The following CDH4 variants were observed in gnomAD, a reference collection of about 807,000 sequenced individuals.
CDH4 encodes cadherin-4.
A neutral mutation model predicts 86.0 loss-of-function variants in CDH4; 33 were observed. That is an observed-to-expected ratio of 0.38 (90% CI 0.29 to 0.51). The LOEUF is 0.51. Among genes scored for constraint, CDH4 ranks in the 20% least tolerant of loss-of-function variants. CDH4 has a pLI of 0.86. For missense variants in CDH4, 1,114 were observed against 1,307.4 expected, an observed-to-expected ratio of 0.85 and a Z score of 2.28; for synonymous variants, 555 against 549.4, an observed-to-expected ratio of 1.01 and a Z score of -0.14.
In CDH4 at chr20:61,480,968, C is replaced by G. The variant is rs2085565079; in HGVS notation, c.169+226031C>G. Among the ~76,000 whole-genome samples, 1 of 152,124 alleles carries G rather than the reference C, an allele frequency of 6.6e-6. No homozygotes were observed. The highest frequency in any genetic ancestry group is 2.1e-4 in the South Asian group (1 of 4,820). ...AAGTGTGTCCACGTTGATGATTCTG[C>G]TTGGTAGTCAGATGACATCCATGAG... On this transcript the variant is annotated intron_variant, in intron 2 of 15. Transcript: ENST00000614565. The surrounding 1 kb of genome is among the most constrained non-coding windows in gnomAD (Gnocchi z 5.2).
At chr20:61,535,619 C>G (rs59587853) in intron 2 of CDH4, among the ~76,000 whole-genome samples, 21,689 of 152,150 alleles carry the variant, frequency 0.14, 2,260 homozygotes, top group East Asian at 0.33. Context: ...CGGGGGCCTT[C>G]TTCAAAAAGC....
chr20:61,697,629 T>C (rs1277317662), intron 2 of CDH4, among the ~76,000 whole-genome samples: 1 of 152,116 alleles, frequency 6.6e-6, no homozygotes, highest in African/African-American at 2.4e-5. Flanking sequence ...AGGAAATCCC[T>C]AACCCTGCTC....
At position 61,934,050 on chromosome 20, in the gene CDH4, C is replaced by A. The variant is rs2055147552; in HGVS notation, c.2380-6C>A. The A allele has an allele frequency of 6.2e-7, 1 of 1,610,594 alleles. No homozygotes were observed. The highest frequency in any genetic ancestry group is 1.1e-5 in the South Asian group (1 of 90,972). Reference sequence around the variant, plus strand: ...GCCCCTGACTCCTCCCGGCTCCCTCCCCCAGGACTACGACCTCAGCCAGCT... The same window carrying A: ...GCCCCTGACTCCTCCCGGCTCCCTCACCCAGGACTACGACCTCAGCCAGCT... On this transcript the variant is annotated splice_polypyrimidine_tract_variant and splice_region_variant and intron_variant, in intron 14 of 15. Coordinates refer to ENST00000614565, the MANE Select transcript of CDH4 (RefSeq NM_001794.5).
intron 2 of CDH4, among the ~76,000 whole-genome samples, chr20:61,299,462 T>A (rs2123201336): frequency 6.6e-6 from 1 of 152,334 alleles, no homozygotes; most frequent in South Asian, 2.1e-4. Flanking sequence ...ACTGACACAT[T>A]GAAAATGGCA....
intron 2 of CDH4, among the ~76,000 whole-genome samples, chr20:61,410,259 A>AATCC (rs2085110182): frequency 6.6e-6 from 1 of 151,928 alleles, no homozygotes; most frequent in African/African-American, 2.4e-5. Flanking sequence ...CTCACACACG[A>AATCC]ATCCATCCAT....
intron 2 of CDH4, among the ~76,000 whole-genome samples, chr20:61,732,268 T>A (rs4527289): frequency 0.42 from 64,538 of 152,062 alleles, 14,179 homozygotes; most frequent in African/African-American, 0.48. Flanking sequence ...ATGAACACTG[T>A]GATATTCCAA....
intron 2 of CDH4, among the ~76,000 whole-genome samples, chr20:61,444,632 T>A (rs1044915763): frequency 6.6e-6 from 1 of 152,078 alleles, no homozygotes. Context: ...TGTGTATATT[T>A]GTGTGTTTCT....
intron 2 of CDH4, among the ~76,000 whole-genome samples, chr20:61,287,894 C>T (rs911527178): frequency 3.3e-5 from 5 of 152,114 alleles, no homozygotes; most frequent in East Asian, 1.9e-4. Flanking sequence ...GGCCAGTGTC[C>T]GGGTGGCACT....
intron 2 of CDH4, among the ~76,000 whole-genome samples, chr20:61,440,339 C>G (rs757216225): frequency 1.1e-4 from 17 of 152,214 alleles, no homozygotes; most frequent in Middle Eastern, 3.4e-3. Context: ...AAAGATCACT[C>G]TTTGCAATGG....
At chr20:61,758,177 C>G (rs6061348) in intron 3 of CDH4, among the ~76,000 whole-genome samples, 1 of 151,956 alleles carries the variant, frequency 6.6e-6, no homozygotes, top group Admixed American at 6.5e-5. Context: ...AGGGTAGAGG[C>G]GCTGTTTCAT....
At chr20:61,297,796 C>T (rs188707369) in intron 2 of CDH4, among the ~76,000 whole-genome samples, 2 of 152,384 alleles carry the variant, frequency 1.3e-5, no homozygotes, top group Admixed American at 1.3e-4. Flanking sequence ...ATTGTCTTAG[C>T]GTGCTCCTTT....
At chr20:61,336,382 T>G (rs760133419) in intron 2 of CDH4, among the ~76,000 whole-genome samples, 1 of 152,184 alleles carries the variant, frequency 6.6e-6, no homozygotes, top group Non-Finnish European at 1.5e-5. Context: ...TAAACATGAG[T>G]GTTTCACTGA....
At position 61,393,203 on chromosome 20, in the gene CDH4, G is replaced by A. The variant is rs1274633574; in HGVS notation, c.169+138266G>A. ...GTGACATTGACAACACTGTTTAATCGGTCCTCGCGGGAGCTTCCCTGGGGG... is the reference window on the plus strand; with the variant it reads ...GTGACATTGACAACACTGTTTAATCAGTCCTCGCGGGAGCTTCCCTGGGGG... On this transcript the variant is annotated intron_variant, in intron 2 of 15. Coordinates refer to ENST00000614565, the MANE Select transcript of CDH4 (RefSeq NM_001794.5). The surrounding 1 kb of genome is among the most constrained non-coding windows in gnomAD (Gnocchi z 4.3). 6.6e-6 allele frequency among the ~76,000 whole-genome samples: 1 copy of A among 152,008 alleles called. No homozygotes were observed. Among genetic ancestry groups the A allele is most frequent in the Non-Finnish European group, 1.5e-5 (1 of 68,010 alleles).
At chr20:61,523,976 G>T (rs1021479674) in intron 2 of CDH4, among the ~76,000 whole-genome samples, 1 of 152,194 alleles carries the variant, frequency 6.6e-6, no homozygotes, top group African/African-American at 2.4e-5. Flanking sequence ...GATATCTGAC[G>T]AATTCACCTA....
intron 2 of CDH4, among the ~76,000 whole-genome samples, chr20:61,413,906 T>G (rs2085133411): frequency 6.6e-6 from 1 of 152,162 alleles, no homozygotes; most frequent in South Asian, 2.1e-4. Context: ...ATGGCTCATT[T>G]TCTTACCATT....
At chr20:61,360,080 C>G (rs775027207) in intron 2 of CDH4, among the ~76,000 whole-genome samples, 34 of 148,862 alleles carry the variant, frequency 2.3e-4, no homozygotes, top group Admixed American at 1.6e-3. Context: ...TCACTAAAAT[C>G]CAGGGGAGGC....
chr20:61,882,319 T>G (rs567481086), intron 7 of CDH4, among the ~76,000 whole-genome samples: 1 of 152,234 alleles, frequency 6.6e-6, no homozygotes, highest in Non-Finnish European at 1.5e-5. Flanking sequence ...GAGCGGGGAT[T>G]TCATCTGTGC....
chr20:61,445,196 G>C lies in CDH4; in HGVS notation c.169+190259G>C, dbSNP rs992383978. ...CCTCTGGCCAGGGATTGTATTCGAAGACTGTCAGGAAGCTCTGGAATCAAT... is the reference window on the plus strand; with the variant it reads ...CCTCTGGCCAGGGATTGTATTCGAACACTGTCAGGAAGCTCTGGAATCAAT... On this transcript the variant is annotated intron_variant, in intron 2 of 15. Coordinates refer to ENST00000614565, the MANE Select transcript of CDH4 (RefSeq NM_001794.5). 2.5e-4 allele frequency among the ~76,000 whole-genome samples: 38 copies of C among 152,166 alleles called. No homozygotes were observed. The Middle Eastern group carries it at 0.01, about 41-fold the overall frequency.
At position 61,326,431 on chromosome 20, in the gene CDH4, C is replaced by T. The variant is rs560785969; in HGVS notation, c.169+71494C>T. Among the ~76,000 whole-genome samples the T allele has an allele frequency of 1.1e-4, 17 of 152,302 alleles. No individual in the cohort carries two copies. In the South Asian group the frequency reaches 1.9e-3, roughly 17 times the overall value. On this transcript the variant is annotated intron_variant, in intron 2 of 15. Coordinates refer to ENST00000614565, the MANE Select transcript of CDH4 (RefSeq NM_001794.5). ...GCTTCAGAATCTTCTGGAAATCCTCCGATAGTCTAGCCAGAGGAGGATATG... is the reference window on the plus strand; with the variant it reads ...GCTTCAGAATCTTCTGGAAATCCTCTGATAGTCTAGCCAGAGGAGGATATG...
Sources: gnomAD v4.1 joint callset for allele counts (sites outside exome capture counted in the v4.1 genomes callset) on GRCh38, gnomAD v4.1.1 for gene constraint, Gnocchi (gnomAD v3.1) non-coding constraint, MANE v1.5 for transcripts, NCBI Gene and HGNC (gene_info 2026-07-23, HGNC 2026-07-21) for gene names.